PPP3CA: variants seen among roughly 807,000 people sequenced by gnomAD.
PPP3CA encodes the protein CAM-PRP catalytic subunit.
PPP3CA carries 14 observed loss-of-function variants against 66.5 expected under a neutral mutation model. The observed-to-expected ratio is 0.21, with a 90% CI of 0.14 to 0.33. The LOEUF is 0.33. Ranked by LOEUF, PPP3CA falls within the 10% of genes least tolerant of loss-of-function variation. The pLI, the probability that PPP3CA is intolerant of heterozygous loss-of-function variation, is 1.00. For synonymous variants in PPP3CA, 232 were observed against 226.2 expected (o/e 1.03, Z -0.23); for missense variants, 317 against 639.5 (o/e 0.50, Z 5.44).
At chr4:101,252,723 T>C (rs1726716710) in intron 1 of PPP3CA, among the ~76,000 whole-genome samples, 1 of 152,190 alleles carries the variant, frequency 6.6e-6, no homozygotes, top group Admixed American at 6.5e-5. Context: ...AGTATTAACT[T>C]CTTTACACAT....
At chr4:101,293,212 T>C (rs113702457) in intron 1 of PPP3CA, among the ~76,000 whole-genome samples, 3,378 of 152,274 alleles carry the variant, frequency 0.022, 129 homozygotes, top group African/African-American at 0.072. Context: ...TTTCCCCATT[T>C]GAATCCTCCT....
chr4:101,230,642 T>C (rs2110223290), intron 1 of PPP3CA, among the ~76,000 whole-genome samples: 1 of 151,800 alleles, frequency 6.6e-6, no homozygotes, highest in South Asian at 2.1e-4. Flanking sequence ...CTCCATCCTT[T>C]ACTCTGCCAT....
intron 2 of PPP3CA, among the ~76,000 whole-genome samples, chr4:101,193,827 C>G (rs1431197947): frequency 6.6e-6 from 1 of 152,108 alleles, no homozygotes; most frequent in African/African-American, 2.4e-5. Context: ...TCTAGATTTC[C>G]AATAACTAGG....
intron 2 of PPP3CA, among the ~76,000 whole-genome samples, chr4:101,136,929 A>T (rs2110287796): frequency 6.6e-6 from 1 of 152,264 alleles, no homozygotes; most frequent in African/African-American, 2.4e-5. Flanking sequence ...TAACTCAAAG[A>T]GACAATATAA....
At chr4:101,146,589 C>T (rs181520330) in intron 2 of PPP3CA, among the ~76,000 whole-genome samples, 17 of 152,082 alleles carry the variant, frequency 1.1e-4, no homozygotes, top group East Asian at 9.7e-4. Context: ...ACTACAGGTG[C>T]GCACCACCAC....
chr4:101,196,433 CTG>C (rs1353551091), intron 1 of PPP3CA, among the ~76,000 whole-genome samples: 1 of 152,192 alleles, frequency 6.6e-6, no homozygotes, highest in Admixed American at 6.5e-5. Context: ...ATAATCAACT[CTG>C]TGAAAGAAAA....
chr4:101,079,761 TAA>T (rs1729356439), intron 8 of PPP3CA, among the ~76,000 whole-genome samples: 1 of 152,226 alleles, frequency 6.6e-6, no homozygotes, highest in Non-Finnish European at 1.5e-5. Context: ...TATTTCCAAA[TAA>T]AGAGATTACA....
At chr4:101,288,375 AC>A (rs1560699705) in intron 1 of PPP3CA, among the ~76,000 whole-genome samples, 1 of 152,046 alleles carries the variant, frequency 6.6e-6, no homozygotes, top group Non-Finnish European at 1.5e-5. Context: ...ATGGTTACCT[AC>A]CCCCCAAAAA....
intron 1 of PPP3CA, among the ~76,000 whole-genome samples, chr4:101,324,358 C>A (rs1316760427): frequency 2.6e-5 from 4 of 152,120 alleles, no homozygotes; most frequent in Non-Finnish European, 4.4e-5. Flanking sequence ...CCATATGCAA[C>A]TAAAGGTAAG....
intron 2 of PPP3CA, among the ~76,000 whole-genome samples, chr4:101,190,927 G>C (rs191028697): frequency 1.3e-5 from 2 of 152,116 alleles, no homozygotes; most frequent in Admixed American, 1.3e-4. Flanking sequence ...TAATGAGCAG[G>C]AAAACATTGT....
At chr4:101,242,193 A>G in intron 1 of PPP3CA, among the ~76,000 whole-genome samples, 1 of 92,200 alleles carries the variant, frequency 1.1e-5, no homozygotes, top group East Asian at 2.1e-4. Flanking sequence ...AGACAGCATT[A>G]GCTCATTAAT....
chr4:101,026,092 C>A (rs780217133), intron 13 of PPP3CA, 31 bp from the exon 14 acceptor site: 2 of 1,539,920 alleles, frequency 1.3e-6, no homozygotes, highest in East Asian at 4.5e-5. Flanking sequence ...AAAAGAAAAC[C>A]AGGATTATCC....
At position 101,347,288 on chromosome 4, in the gene PPP3CA, C is replaced by T; in HGVS notation, c.-492G>A. 1 of 210,462 alleles carries T rather than the reference C, an allele frequency of 4.8e-6. No individual in the cohort carries two copies. Among genetic ancestry groups the T allele is most frequent in the South Asian group, 6.8e-5 (1 of 14,672 alleles). 13.0% of individuals were successfully genotyped at this position (210,462 alleles called of 1,614,324 possible). ...GCCGATGTCAGTGCCACCAGCCGCACCTTGGCGTCCCCGGCGGCGGAGAGG... is the reference window on the plus strand; with the variant it reads ...GCCGATGTCAGTGCCACCAGCCGCATCTTGGCGTCCCCGGCGGCGGAGAGG... On this transcript the variant is annotated 5_prime_UTR_variant, in exon 1 of 14. It adds an upstream start codon to the 5' untranslated region. Coordinates refer to ENST00000394854, the MANE Select transcript of PPP3CA (RefSeq NM_000944.5).
chr4:101,111,690 A>G (rs900693249), intron 2 of PPP3CA, among the ~76,000 whole-genome samples: 1 of 152,148 alleles, frequency 6.6e-6, no homozygotes, highest in African/African-American at 2.4e-5. Context: ...GAACTTGGAC[A>G]ATTTACTCAA....
intron 5 of PPP3CA, among the ~76,000 whole-genome samples, chr4:101,095,777 G>C (rs1384579647): frequency 6.6e-6 from 1 of 152,070 alleles, no homozygotes; most frequent in Non-Finnish European, 1.5e-5. Context: ...TCAGACTCCT[G>C]AGTAGCTGGG....
Position 101,338,948 on chromosome 4 carries a change from T to C in PPP3CA, c.58+7791A>G, listed in dbSNP as rs149667490. Among the ~76,000 whole-genome samples, 950 of 152,344 alleles carry C rather than the reference T, an allele frequency of 6.2e-3. 9 individuals carry two copies. Among genetic ancestry groups the C allele is most frequent in the African/African-American group, 0.022 (910 of 41,568 alleles). ...TTAAGAATATATCTTGCTTTTAATTTAACTTGATAAAACAGCATAACTTAC... is the reference window on the plus strand; with the variant it reads ...TTAAGAATATATCTTGCTTTTAATTCAACTTGATAAAACAGCATAACTTAC... On this transcript the variant is annotated intron_variant, in intron 1 of 13. Coordinates refer to ENST00000394854, the MANE Select transcript of PPP3CA (RefSeq NM_000944.5).
intron 1 of PPP3CA, among the ~76,000 whole-genome samples, chr4:101,329,198 A>G (rs1486837400): frequency 6.6e-6 from 1 of 152,164 alleles, no homozygotes; most frequent in Non-Finnish European, 1.5e-5. Flanking sequence ...CACACAAATG[A>G]TAAGAAAGCT....
intron 13 of PPP3CA, among the ~76,000 whole-genome samples, chr4:101,027,431 G>T (rs933643143): frequency 6.6e-6 from 1 of 152,060 alleles, no homozygotes; most frequent in Non-Finnish European, 1.5e-5. Flanking sequence ...CATTTTAAAG[G>T]TTAGCATAAT....
intron 1 of PPP3CA, among the ~76,000 whole-genome samples, chr4:101,261,899 A>AATGATT (rs1315705043): frequency 6.6e-6 from 1 of 152,040 alleles, no homozygotes; most frequent in Non-Finnish European, 1.5e-5. Context: ...ATCAAGCATT[A>AATGATT]ATGATTATTC....
Sources: gnomAD v4.1 joint callset for allele counts (sites outside exome capture counted in the v4.1 genomes callset) on GRCh38, gnomAD v4.1.1 for gene constraint, MANE v1.5 for transcripts, NCBI Gene and HGNC (gene_info 2026-07-23, HGNC 2026-07-21) for gene names.